Variants in CNTN5 observed in about 807,000 individuals in gnomAD.
CNTN5 encodes contactin 5, also known as contactin-5.
Under a neutral mutation model 129.1 loss-of-function variants are expected in CNTN5, and 77 were observed. The ratio of observed to expected loss-of-function variants is 0.60; its 90% CI spans 0.50 to 0.72. The LOEUF (loss-of-function observed/expected upper bound fraction) is 0.72, where lower values mean the gene tolerates loss of function less well. Among genes scored for constraint, CNTN5 ranks in the 30% least tolerant of loss-of-function variants. The pLI is 0.00. For missense variants in CNTN5, 1,478 were observed against 1,328.8 expected, an observed-to-expected ratio of 1.11 and a Z score of -1.75; for synonymous variants, 509 against 465.6, an observed-to-expected ratio of 1.09 and a Z score of -1.20.
At chr11:99,994,640 C>A (rs1198053335) in intron 8 of CNTN5, among the ~76,000 whole-genome samples, 1 of 152,096 alleles carries the variant, frequency 6.6e-6, no homozygotes, top group Non-Finnish European at 1.5e-5. Context: ...ATCAGATTAA[C>A]AGGTAGAAAA....
At chr11:100,284,779 A>G (rs1458976972) in intron 18 of CNTN5, among the ~76,000 whole-genome samples, 1 of 152,212 alleles carries the variant, frequency 6.6e-6, no homozygotes, top group Non-Finnish European at 1.5e-5. Flanking sequence ...ACTGGTATAA[A>G]TCTCAATATT....
intron 1 of CNTN5, among the ~76,000 whole-genome samples, chr11:99,318,883 G>T (rs998536530): frequency 1.3e-5 from 2 of 152,118 alleles, no homozygotes; most frequent in Admixed American, 6.5e-5. Context: ...AAAAGTTAAA[G>T]TTTTAAATAT....
At chr11:99,704,137 C>T (rs935410245) in intron 3 of CNTN5, among the ~76,000 whole-genome samples, 1 of 150,556 alleles carries the variant, frequency 6.6e-6, no homozygotes, top group African/African-American at 2.4e-5. Context: ...TTTTCTGGCC[C>T]CCAGTGACTG....
At chr11:100,115,109 A>G (rs978995497) in intron 13 of CNTN5, among the ~76,000 whole-genome samples, 1 of 114,384 alleles carries the variant, frequency 8.7e-6, no homozygotes, top group African/African-American at 3.3e-5. Flanking sequence ...TGCTATAGGT[A>G]TACAGTAAAA....
intron 13 of CNTN5, among the ~76,000 whole-genome samples, chr11:100,141,045 T>C (rs1308886853): frequency 6.6e-6 from 1 of 152,090 alleles, no homozygotes; most frequent in Non-Finnish European, 1.5e-5. Flanking sequence ...AGGTTTCCAT[T>C]GGAACAAAAT....
chr11:99,262,424 A>G (rs1862678709), intron 1 of CNTN5, among the ~76,000 whole-genome samples: 1 of 151,948 alleles, frequency 6.6e-6, no homozygotes, highest in Non-Finnish European at 1.5e-5. Context: ...TTATTGATTG[A>G]GCATCTTCTA....
chr11:99,856,493 A>C (rs956884002), intron 6 of CNTN5, among the ~76,000 whole-genome samples: 4 of 152,128 alleles, frequency 2.6e-5, no homozygotes, highest in African/African-American at 9.7e-5. Flanking sequence ...CCTATAGTCT[A>C]AGTGTAGCCT....
chr11:99,832,154 G>C (rs1308328877), intron 4 of CNTN5, among the ~76,000 whole-genome samples: 1 of 152,018 alleles, frequency 6.6e-6, no homozygotes, highest in Non-Finnish European at 1.5e-5. Flanking sequence ...GCTTGAATTT[G>C]CTTTTTGTCT....
chr11:99,462,046 G>A (rs1277208253), intron 2 of CNTN5, among the ~76,000 whole-genome samples: 1 of 152,086 alleles, frequency 6.6e-6, no homozygotes, highest in African/African-American at 2.4e-5. Context: ...TTTTTACTGA[G>A]AACCTAAATA....
At chr11:99,090,014 G>T (rs1212326297) in intron 1 of CNTN5, among the ~76,000 whole-genome samples, 1 of 152,036 alleles carries the variant, frequency 6.6e-6, no homozygotes, top group African/African-American at 2.4e-5. Flanking sequence ...CCACTTTTTA[G>T]AAAAATTCTG....
At position 99,949,513 on chromosome 11, in the gene CNTN5, T is replaced by C. The variant is rs1355700217; in HGVS notation, c.674-7293T>C. Among the ~76,000 whole-genome samples, 4 of 152,188 alleles carry C rather than the reference T, an allele frequency of 2.6e-5. 1 individual carries two copies. Among genetic ancestry groups the C allele is most frequent in the South Asian group, 2.1e-4 (1 of 4,820 alleles). ...ATTATGGGAAACCTGGAGTGAATGC[T>C]TTTTAATGCAAAGTTTGGAACCTAG... On this transcript the variant is annotated intron_variant, in intron 7 of 24. Coordinates refer to ENST00000524871, the MANE Select transcript of CNTN5 (RefSeq NM_014361.4).
chr11:99,213,374 G>GTATATATA (rs750396360), intron 1 of CNTN5, among the ~76,000 whole-genome samples: 10 of 103,552 alleles, frequency 9.7e-5, no homozygotes, highest in South Asian at 2.9e-4. Context: ...ATGTATATAT[G>GTATATATA]TATATACATA....
At chr11:99,524,286 G>A (rs1017185341) in intron 2 of CNTN5, among the ~76,000 whole-genome samples, 2 of 151,912 alleles carry the variant, frequency 1.3e-5, no homozygotes, top group Non-Finnish European at 2.9e-5. Context: ...GATTATACAA[G>A]TTTGTTTTGT....
Position 99,702,988 on chromosome 11 carries a change from G to A in CNTN5, c.56-116556G>A, listed in dbSNP as rs115933718. Among the ~76,000 whole-genome samples the A allele has an allele frequency of 3.6e-3, 537 of 150,960 alleles. 6 individuals carry two copies. Among genetic ancestry groups the A allele is most frequent in the African/African-American group, 0.013 (520 of 41,402 alleles). ...TAAAATAAAGATACTTCGATACACT[G>A]AGGGAATGTATAAACGTCGCATGAA... On this transcript the variant is annotated intron_variant, in intron 3 of 24. Transcript: ENST00000524871.
At chr11:99,902,438 G>A (rs1949384040) in intron 6 of CNTN5, among the ~76,000 whole-genome samples, 1 of 151,962 alleles carries the variant, frequency 6.6e-6, no homozygotes, top group African/African-American at 2.4e-5. Context: ...TATTTGGGAT[G>A]CCCTTCAGTA....
chr11:99,388,182 G>A (rs1234461967), intron 2 of CNTN5, among the ~76,000 whole-genome samples: 3 of 152,034 alleles, frequency 2.0e-5, no homozygotes, highest in East Asian at 1.9e-4. Context: ...TTGGGAGGCC[G>A]AGGCGGGCAG....
intron 3 of CNTN5, among the ~76,000 whole-genome samples, chr11:99,681,405 C>T (rs892646606): frequency 6.6e-6 from 1 of 151,966 alleles, no homozygotes; most frequent in Non-Finnish European, 1.5e-5. Flanking sequence ...GAGAAATTGC[C>T]GCAGCCACTG....
chr11:99,801,282 G>T (rs1489696892), intron 3 of CNTN5, among the ~76,000 whole-genome samples: 7 of 152,144 alleles, frequency 4.6e-5, no homozygotes, highest in African/African-American at 9.7e-5. Flanking sequence ...GGCTTGTAAT[G>T]TTTCTGCTGA....
Position 99,701,560 on chromosome 11 carries a change from G to A in CNTN5, c.56-117984G>A, listed in dbSNP as rs1043108450. Among the ~76,000 whole-genome samples the A allele has an allele frequency of 4.0e-5, 6 of 150,928 alleles. No individual in the cohort carries two copies. The East Asian group carries it at 9.7e-4, about 24-fold the overall frequency. ...TTTATGTATGAAAGTGAAGCATTCT[G>A]AATTTGAATTCAGATGATCAAATTG... On this transcript the variant is annotated intron_variant, in intron 3 of 24. Coordinates refer to ENST00000524871, the MANE Select transcript of CNTN5 (RefSeq NM_014361.4).
Sources: allele counts gnomAD v4.1 joint callset (sites outside exome capture counted in the v4.1 genomes callset), GRCh38; gene constraint gnomAD v4.1.1; transcripts MANE v1.5; gene names NCBI Gene and HGNC (gene_info 2026-07-23, HGNC 2026-07-21).